Variants in KCNIP1 observed in about 807,000 individuals in gnomAD.
KCNIP1 encodes potassium voltage-gated channel interacting protein 1.
KCNIP1 carries 18 observed loss-of-function variants against 33.0 expected under a neutral mutation model. The observed-to-expected ratio is 0.55, with a 90% CI of 0.38 to 0.81. The LOEUF is 0.81. KCNIP1 is among the 30% of genes least tolerant of loss of function. KCNIP1 has a pLI of 0.00. For missense variants in KCNIP1, 238 were observed against 271.6 expected (o/e 0.88, Z 0.87); for synonymous variants, 93 against 98.3 (o/e 0.95, Z 0.32).
chr5:170,612,940 A>G (rs1015233236), intron 1 of KCNIP1, among the ~76,000 whole-genome samples: 1 of 152,072 alleles, frequency 6.6e-6, no homozygotes, highest in Non-Finnish European at 1.5e-5. Context: ...GATTGTGGCA[A>G]TAGCCTCCTG....
chr5:170,648,121 C>A (rs189318715), intron 1 of KCNIP1, among the ~76,000 whole-genome samples: 81 of 152,274 alleles, frequency 5.3e-4, no homozygotes, highest in African/African-American at 1.9e-3. Flanking sequence ...AAACACTTAA[C>A]AACACAAAAT....
chr5:170,480,264 A>G (rs1432002256), intron 1 of KCNIP1, among the ~76,000 whole-genome samples: 1 of 152,222 alleles, frequency 6.6e-6, no homozygotes, highest in Non-Finnish European at 1.5e-5. Context: ...TAAGAATACA[A>G]ATTTCTTTCA....
At chr5:170,720,274 G>A (rs757774721) in intron 2 of KCNIP1, 47 bp from the exon 3 acceptor site, 9 of 1,383,896 alleles carry the variant, frequency 6.5e-6, no homozygotes, top group Non-Finnish European at 9.3e-6. Flanking sequence ...TCTTCTCCTA[G>A]TGCTGGCCCT....
chr5:170,708,673 G>C (rs564854404), intron 1 of KCNIP1, among the ~76,000 whole-genome samples: 1 of 152,202 alleles, frequency 6.6e-6, no homozygotes, highest in African/African-American at 2.4e-5. Context: ...GAAGGCCAAG[G>C]CAGGAGGATT....
chr5:170,546,496 G>C (rs980484811), intron 1 of KCNIP1, among the ~76,000 whole-genome samples: 1 of 152,114 alleles, frequency 6.6e-6, no homozygotes, highest in African/African-American at 2.4e-5. Flanking sequence ...GTGCTGCTTG[G>C]TTTCTGCTTT....
intron 1 of KCNIP1, among the ~76,000 whole-genome samples, chr5:170,393,800 T>G (rs1312554818): frequency 1.3e-5 from 2 of 152,190 alleles, no homozygotes; most frequent in African/African-American, 4.8e-5. Flanking sequence ...TCACCATATT[T>G]TCCCTTGGCC....
At chr5:170,422,339 T>A (rs572099729) in intron 1 of KCNIP1, 11 of 152,352 alleles carry the variant, frequency 7.2e-5, no homozygotes, top group African/African-American at 2.4e-4. Flanking sequence ...TTCAACTTTA[T>A]CGTCTCATAC....
Position 170,490,752 on chromosome 5 carries a change from G to A in KCNIP1, c.88+136788G>A, listed in dbSNP as rs967072369. On this transcript the variant is annotated intron_variant, in intron 1 of 7. Coordinates refer to the KCNIP1 transcript ENST00000377360. ...ACTCCTCACGGAGCACCACAGGCCC[G>A]CTGTAATCTGGCCTCTGTCTCCTCT... is the stretch of plus-strand genomic sequence containing the variant. 3.9e-5 allele frequency among the ~76,000 whole-genome samples: 6 copies of A among 152,056 alleles called. No individual in the cohort carries two copies. In the South Asian group the frequency reaches 8.3e-4, roughly 21 times the overall value.
intron 1 of KCNIP1, among the ~76,000 whole-genome samples, chr5:170,368,377 G>A (rs755751735): frequency 2.6e-5 from 4 of 152,106 alleles, no homozygotes; most frequent in Non-Finnish European, 5.9e-5. Flanking sequence ...TGATTCTTGT[G>A]CCTCAGCCTC....
chr5:170,665,826 A>T (rs1761682017), intron 1 of KCNIP1, among the ~76,000 whole-genome samples: 1 of 152,182 alleles, frequency 6.6e-6, no homozygotes, highest in African/African-American at 2.4e-5. Context: ...AATGTCCCTC[A>T]ACTGGGTCTT....
intron 1 of KCNIP1, among the ~76,000 whole-genome samples, chr5:170,615,408 C>T (rs1759328398): frequency 6.6e-6 from 1 of 152,140 alleles, no homozygotes; most frequent in South Asian, 2.1e-4. Flanking sequence ...ACTGACAAGC[C>T]TGTGATAACA....
At chr5:170,425,148 AT>A (rs1335352479) in intron 1 of KCNIP1, among the ~76,000 whole-genome samples, 1 of 152,014 alleles carries the variant, frequency 6.6e-6, no homozygotes, top group Non-Finnish European at 1.5e-5. Context: ...CACTGTCTCT[AT>A]TTCTTATTTG....
chr5:170,721,709 T>C, intron 3 of KCNIP1, 124 bp from the exon 4 acceptor site: 1 of 1,609,006 alleles, frequency 6.2e-7, no homozygotes, highest in South Asian at 1.1e-5. Flanking sequence ...CTCCATAATT[T>C]TCTCCTTTCC....
At chr5:170,630,710 T>C (rs1760023412) in intron 1 of KCNIP1, among the ~76,000 whole-genome samples, 1 of 152,114 alleles carries the variant, frequency 6.6e-6, no homozygotes, top group African/African-American at 2.4e-5. Flanking sequence ...TAAACAATTG[T>C]ACCCCAAGGG....
At chr5:170,467,643 C>A (rs868797724) in intron 1 of KCNIP1, among the ~76,000 whole-genome samples, 1 of 152,096 alleles carries the variant, frequency 6.6e-6, no homozygotes, top group Non-Finnish European at 1.5e-5. Flanking sequence ...ATAGGCTGGG[C>A]GCGGTGGCTC....
intron 1 of KCNIP1, among the ~76,000 whole-genome samples, chr5:170,685,477 T>C (rs1189948624): frequency 6.6e-6 from 1 of 150,828 alleles, no homozygotes; most frequent in Non-Finnish European, 1.5e-5. Context: ...TTGTAGTCTA[T>C]TATAGCAAGC....
chr5:170,625,805 G>T (rs554796059), intron 1 of KCNIP1, among the ~76,000 whole-genome samples: 1 of 152,174 alleles, frequency 6.6e-6, no homozygotes, highest in African/African-American at 2.4e-5. Flanking sequence ...TGTTAGAAAC[G>T]CGGTAAAACA....
At chr5:170,651,597 C>T (rs1395343288) in intron 1 of KCNIP1, among the ~76,000 whole-genome samples, 1 of 152,108 alleles carries the variant, frequency 6.6e-6, no homozygotes, top group African/African-American at 2.4e-5. Context: ...CTACCGCCAC[C>T]CCCCCAGCTG....
At chr5:170,390,928 C>T (rs538130300) in intron 1 of KCNIP1, among the ~76,000 whole-genome samples, 17 of 152,066 alleles carry the variant, frequency 1.1e-4, no homozygotes, top group Admixed American at 7.2e-4. Flanking sequence ...CCAGCAGGCG[C>T]GAAATGAAGG....
Sources: gnomAD v4.1 joint callset for allele counts (sites outside exome capture counted in the v4.1 genomes callset) on GRCh38, gnomAD v4.1.1 for gene constraint, MANE v1.5 for transcripts, NCBI Gene and HGNC (gene_info 2026-07-23, HGNC 2026-07-21) for gene names.